Variants in ARHGEF7 observed in about 807,000 individuals in gnomAD.
ARHGEF7 encodes the protein Rho guanine nucleotide exchange factor 7.
ARHGEF7 carries 33 observed loss-of-function variants against 109.8 expected under a neutral mutation model. The ratio of observed to expected loss-of-function variants is 0.30; its 90% CI spans 0.23 to 0.40. ARHGEF7 has a LOEUF of 0.40. Ranked by LOEUF, ARHGEF7 falls within the 10% of genes least tolerant of loss-of-function variation. The pLI, the probability that ARHGEF7 is intolerant of heterozygous loss-of-function variation, is 1.00. For missense variants in ARHGEF7, 938 were observed against 1,098.5 expected (o/e 0.85, Z 2.07); for synonymous variants, 458 against 424.6 (o/e 1.08, Z -0.97).
At chr13:111,126,817 C>G (rs1404486958) in intron 1 of ARHGEF7, among the ~76,000 whole-genome samples, 1 of 152,156 alleles carries the variant, frequency 6.6e-6, no homozygotes, top group African/African-American at 2.4e-5. Context: ...GAGTGAGACA[C>G]CACTCACCCT....
At chr13:111,130,083 T>TTATG (rs1355031988) in intron 1 of ARHGEF7, among the ~76,000 whole-genome samples, 3 of 152,164 alleles carry the variant, frequency 2.0e-5, no homozygotes, top group Non-Finnish European at 2.9e-5. Context: ...ATTCTCAAAA[T>TTATG]TATGCTGAAT....
chr13:111,293,436 T>TAAAAAAAAAAAAAAAAAA (rs11319592), intron 19 of ARHGEF7: 1 of 835,324 alleles, frequency 1.2e-6, no homozygotes, highest in Non-Finnish European at 1.4e-6. Context: ...CTCACTTATT[T>TAAAAAAAAAAAAAAAAAA]AAAAAAAAAA....
Position 111,301,493 on chromosome 13 carries a change from C to A in ARHGEF7, c.2427C>A (p.Thr809=). 6.2e-7 allele frequency: 1 copy of A among 1,612,598 alleles called. No homozygotes were observed. The highest frequency in any genetic ancestry group is 8.5e-7 in the Non-Finnish European group (1 of 1,178,884). Residue 809 remains threonine, a synonymous_variant, in exon 21 of 22, where the codon ACC becomes ACA. Coordinates refer to ENST00000646102, the MANE Select transcript of ARHGEF7 (RefSeq NM_001354046.2). The part of the protein sequence containing the change: ...TVIEEKSLVD[T]VYALKDEVQE... ...CCTGTTTCAGGAGTCTTGTGGATAC[C>A]GTATATGCATTAAAGGATGAAGTTC...
At position 111,115,628 on chromosome 13, in the gene ARHGEF7, G is replaced by A; in HGVS notation, c.102G>A (p.Ser34=). The change falls in exon 1 of 22, where the codon TCG becomes TCA. Residue 34 remains serine, a synonymous_variant. Transcript: ENST00000646102. ...ISDPEGFLQA[S]LKDGVVLCRL... ...ACCCGGAGGGCTTTCTGCAGGCGTC[G>A]CTGAAGGATGGGGTGGTCCTCTGCA... 1 of 1,400,254 alleles carries A rather than the reference G, an allele frequency of 7.1e-7. No individual in the cohort carries two copies. The highest frequency in any genetic ancestry group is 9.4e-7 in the Non-Finnish European group (1 of 1,061,916). The allele number at this position is 1,400,254 out of a possible 1,614,324, so 86.7% of individuals were successfully genotyped here.
At chr13:111,295,097 C>T in intron 19 of ARHGEF7, 1 of 981,634 alleles carries the variant, frequency 1.0e-6, no homozygotes, top group Non-Finnish European at 1.2e-6. Flanking sequence ...GTACAGTATG[C>T]ATATTATTGT....
intron 2 of ARHGEF7, among the ~76,000 whole-genome samples, chr13:111,177,197 G>A (rs1225229503): frequency 6.6e-6 from 1 of 152,268 alleles, no homozygotes; most frequent in African/African-American, 2.4e-5. Context: ...GGTATTGAGA[G>A]GCCTGGGAAC....
chr13:111,236,206 T>C (rs1373835907), intron 6 of ARHGEF7, among the ~76,000 whole-genome samples: 1 of 152,248 alleles, frequency 6.6e-6, no homozygotes, highest in African/African-American at 2.4e-5. Flanking sequence ...AGACAATATT[T>C]GAGCCATTGT....
chr13:111,233,075 T>G, intron 5 of ARHGEF7, 130 bp from the exon 6 acceptor site: 2 of 789,318 alleles, frequency 2.5e-6, no homozygotes, highest in Non-Finnish European at 4.3e-6. Context: ...GATGGCCTTT[T>G]CCTTGGCTTG....
At chr13:111,203,399 A>T (rs1360443317) in intron 2 of ARHGEF7, among the ~76,000 whole-genome samples, 1 of 152,268 alleles carries the variant, frequency 6.6e-6, no homozygotes, top group Admixed American at 6.5e-5. Flanking sequence ...TTTCTTCTTA[A>T]ATAATAAATA....
At position 111,115,446 on chromosome 13, in the gene ARHGEF7, C is replaced by A. The variant is rs886141513; in HGVS notation, c.-81C>A. 234 of 971,290 alleles carry A rather than the reference C, an allele frequency of 2.4e-4. 1 individual carries two copies. Among genetic ancestry groups the A allele is most frequent in the South Asian group, 1.8e-3 (39 of 21,800 alleles). The allele number at this position is 971,290 out of a possible 1,614,324, so 60.2% of individuals were successfully genotyped here. On this transcript the variant is annotated 5_prime_UTR_variant, in exon 1 of 22. Coordinates refer to ENST00000646102, the MANE Select transcript of ARHGEF7 (RefSeq NM_001354046.2). ...CGCTCGATGGGCGAGGCGGCGGCGGCGGCGGCGGGGGCCGCGGGCCGGGCC... is the reference window on the plus strand; with the variant it reads ...CGCTCGATGGGCGAGGCGGCGGCGGAGGCGGCGGGGGCCGCGGGCCGGGCC...
At chr13:111,296,953 A>G (rs2093440265) in intron 19 of ARHGEF7, among the ~76,000 whole-genome samples, 1 of 152,244 alleles carries the variant, frequency 6.6e-6, no homozygotes, top group Non-Finnish European at 1.5e-5. Context: ...AGCCTCTGTT[A>G]TGGATTTTAA....
At chr13:111,274,088 A>T (rs1366620723) in intron 10 of ARHGEF7, 136 bp downstream of exon 10, 1 of 1,130,458 alleles carries the variant, frequency 8.8e-7, no homozygotes, top group Non-Finnish European at 1.2e-6. Context: ...AGTTTTGTTA[A>T]ATATTATGTT....
At chr13:111,300,172 C>G (rs151256365) in intron 19 of ARHGEF7, among the ~76,000 whole-genome samples, 41 of 152,252 alleles carry the variant, frequency 2.7e-4, no homozygotes, top group African/African-American at 9.6e-4. Flanking sequence ...AATGTTCTGA[C>G]ATTGTGAGCA....
At chr13:111,144,657 G>C (rs535457353) in intron 1 of ARHGEF7, 4 of 152,356 alleles carry the variant, frequency 2.6e-5, no homozygotes, top group African/African-American at 9.6e-5. Flanking sequence ...CGGACTTCTA[G>C]AAGGTGAACT....
At chr13:111,115,829 G>T in intron 1 of ARHGEF7, 138 bp downstream of exon 1, 1 of 331,020 alleles carries the variant, frequency 3.0e-6, no homozygotes, top group Non-Finnish European at 4.4e-6. Flanking sequence ...CGGCGCGGCC[G>T]GCGCCAGGAC....
At chr13:111,210,081 A>G in intron 4 of ARHGEF7, 79 bp downstream of exon 4, 13 of 1,570,286 alleles carry the variant, frequency 8.3e-6, no homozygotes, top group Non-Finnish European at 1.1e-5. Flanking sequence ...GAAGATACGT[A>G]TGCCTCCATT....
intron 2 of ARHGEF7, among the ~76,000 whole-genome samples, chr13:111,177,536 C>G (rs1158596878): frequency 1.3e-5 from 2 of 152,176 alleles, no homozygotes; most frequent in Non-Finnish European, 2.9e-5. Flanking sequence ...AATGTGTTCT[C>G]AGTATCCCTG....
At chr13:111,186,145 C>T (rs901514661) in intron 2 of ARHGEF7, among the ~76,000 whole-genome samples, 24 of 152,088 alleles carry the variant, frequency 1.6e-4, no homozygotes, top group Non-Finnish European at 2.5e-4. Flanking sequence ...GCTTCCCTGC[C>T]TCGTGTGGAG....
intron 8 of ARHGEF7, among the ~76,000 whole-genome samples, chr13:111,264,564 A>G (rs1254688323): frequency 6.6e-6 from 1 of 152,044 alleles, no homozygotes; most frequent in Non-Finnish European, 1.5e-5. Context: ...ACCCCACTAA[A>G]TTCCCAGTCC....
Sources: gnomAD v4.1 joint callset for allele counts (sites outside exome capture counted in the v4.1 genomes callset) on GRCh38, gnomAD v4.1.1 for gene constraint, MANE v1.5 for transcripts, NCBI Gene and HGNC (gene_info 2026-07-23, HGNC 2026-07-21) for gene names.